C11orf71: variants seen among roughly 807,000 people sequenced by gnomAD.
C11orf71 encodes the protein uncharacterized protein C11orf71.
For missense variants in C11orf71, 179 were observed against 167.6 expected, an observed-to-expected ratio of 1.07 and a Z score of -0.38; for synonymous variants, 72 against 73.4, an observed-to-expected ratio of 0.98 and a Z score of 0.09.
chr11:114,400,466 A>C lies in C11orf71; in HGVS notation c.-135T>G. ...GAACCCATAACTGAGCCTGCGGAAGAGCCAGAAGCCGCCTTGCCTTTAACG... is the reference window on the plus strand; with the variant it reads ...GAACCCATAACTGAGCCTGCGGAAGCGCCAGAAGCCGCCTTGCCTTTAACG... On this transcript the variant is annotated 5_prime_UTR_variant, in exon 1 of 1. Coordinates refer to ENST00000623205, the MANE Select transcript of C11orf71 (RefSeq NM_001271562.2). The C allele has an allele frequency of 7.6e-7, 1 of 1,322,600 alleles. No individual in the cohort carries two copies. The highest frequency in any genetic ancestry group is 1.0e-6 in the Non-Finnish European group (1 of 982,414). The allele number at this position is 1,322,600 out of a possible 1,614,324, so 81.9% of individuals were successfully genotyped here.
At chr11:114,396,969 C>T (rs1357433404), downstream of C11orf71, among the ~76,000 whole-genome samples, 1 of 152,044 alleles carries the variant, frequency 6.6e-6, no homozygotes, top group Non-Finnish European at 1.5e-5. Context: ...TCTTTTTTTC[C>T]AATCTCCCAA....
rs1451229714 is a variant in C11orf71, at chr11:114,398,730, A to G, written c.*1230T>C. The G allele has an allele frequency of 1.3e-5, 2 of 152,160 alleles. No homozygotes were observed. The highest frequency in any genetic ancestry group is 2.4e-5 in the African/African-American group (1 of 41,436). 9.4% of individuals were successfully genotyped at this position (152,160 alleles called of 1,614,324 possible). A position where few individuals can be genotyped will look rare whatever the true frequency, so the allele number is the denominator to read the frequency against. Reference sequence around the variant, plus strand: ...GGTTTCTAGAATTCTCACTATATTAATCACCCTCTTATGGAAGCTATCTTG... The same window carrying G: ...GGTTTCTAGAATTCTCACTATATTAGTCACCCTCTTATGGAAGCTATCTTG... On this transcript the variant is annotated 3_prime_UTR_variant, in exon 1 of 1. Transcript: ENST00000623205.
At chr11:114,393,791 T>C (rs963491909), downstream of C11orf71, among the ~76,000 whole-genome samples, 1 of 152,208 alleles carries the variant, frequency 6.6e-6, no homozygotes, top group Non-Finnish European at 1.5e-5. Flanking sequence ...ACAAACTTTG[T>C]GAAAGTTTGT....
At chr11:114,393,670 CTTCAG>C (rs1386532057), downstream of C11orf71, among the ~76,000 whole-genome samples, 2 of 152,180 alleles carry the variant, frequency 1.3e-5, no homozygotes, top group Non-Finnish European at 2.9e-5. Context: ...TAATTTTGTA[CTTCAG>C]TTAAGTGAAA....
At chr11:114,395,626 G>A (rs531325601), downstream of C11orf71, among the ~76,000 whole-genome samples, 2 of 152,312 alleles carry the variant, frequency 1.3e-5, no homozygotes, top group East Asian at 1.9e-4. Flanking sequence ...AAGGAGCCAA[G>A]TAAACTGTTA....
intron 1 of C11orf71, among the ~76,000 whole-genome samples, chr11:114,392,632 G>A (rs1336773568): frequency 6.6e-6 from 1 of 151,286 alleles, no homozygotes; most frequent in African/African-American, 2.4e-5. Flanking sequence ...TGGGGAGGCT[G>A]AGGTGGCAGA....
intron 1 of C11orf71, among the ~76,000 whole-genome samples, chr11:114,393,511 T>C (rs1373097355): frequency 6.6e-6 from 1 of 152,246 alleles, no homozygotes; most frequent in African/African-American, 2.4e-5. Context: ...ATATGTTCAA[T>C]TAAAATCATA....
downstream of C11orf71, among the ~76,000 whole-genome samples, chr11:114,394,273 T>TTTTCTTTTCTTTTCTTTTC (rs1946109814): frequency 1.3e-5 from 1 of 78,488 alleles, no homozygotes; most frequent in Non-Finnish European, 2.3e-5. Flanking sequence ...TTTTCTTTTC[T>TTTTCTTTTCTTTTCTTTTC]TTTCTTTTCT....
downstream of C11orf71, among the ~76,000 whole-genome samples, chr11:114,394,269 T>TTCTTTTCTTTTCTC (rs1946109156): frequency 1.3e-5 from 1 of 75,476 alleles, no homozygotes; most frequent in African/African-American, 8.0e-5. Flanking sequence ...TTTCTTTTCT[T>TTCTTTTCTTTTCTC]TTCTTTTCTT....
downstream of C11orf71, among the ~76,000 whole-genome samples, chr11:114,397,374 A>G (rs186171535): frequency 6.6e-6 from 1 of 152,338 alleles, no homozygotes; most frequent in East Asian, 1.9e-4. Flanking sequence ...TTAATTAAAA[A>G]GGGGTTTATG....
chr11:114,391,627 G>T, exon 2 of C11orf71: 1 of 1,537,006 alleles, frequency 6.5e-7, no homozygotes, highest in South Asian at 1.2e-5. Flanking sequence ...CTTAAATCAG[G>T]GGTTGCAGAC....
chr11:114,392,844 CATG>C lies in C11orf71; in HGVS notation c.344-1182_344-1180del, dbSNP rs570125452. The stretch of plus-strand genomic sequence containing the variant: ...CAGATCTGCCCACTGGCCACTCTAG[CATG>C]ATAAGTGGTATTGCATAGTCAACAA... On this transcript the variant is annotated intron_variant, in intron 1 of 1. Transcript: ENST00000325636. 1.9e-4 allele frequency among the ~76,000 whole-genome samples: 29 copies of C among 152,002 alleles called. No individual in the cohort carries two copies. In the South Asian group the frequency reaches 5.6e-3, roughly 29 times the overall value.
At chr11:114,392,324 G>A (rs1269769500) in intron 1 of C11orf71, among the ~76,000 whole-genome samples, 2 of 151,966 alleles carry the variant, frequency 1.3e-5, no homozygotes, top group East Asian at 3.9e-4. Flanking sequence ...GATCACTGGA[G>A]GTTAGGACTT....
chr11:114,400,495 G>A lies in C11orf71; in HGVS notation c.-164C>T, dbSNP rs778123239. On this transcript the variant is annotated 5_prime_UTR_variant, in exon 1 of 1. Coordinates refer to ENST00000623205, the MANE Select transcript of C11orf71 (RefSeq NM_001271562.2). ...AGAAGCCGCCTTGCCTTTAACGAGG[G>A]GTATCCTGGCGAGCATGCGCAGACC... 26 of 1,269,496 alleles carry A rather than the reference G, an allele frequency of 2.0e-5. No homozygotes were observed. Among genetic ancestry groups the A allele is most frequent in the Non-Finnish European group, 2.8e-5 (26 of 932,442 alleles). 78.6% of individuals were successfully genotyped at this position (1,269,496 alleles called of 1,614,324 possible).
Position 114,399,740 on chromosome 11 carries a change from C to A in C11orf71, c.*220G>T. The A allele has an allele frequency of 1.5e-6, 1 of 689,552 alleles. No individual in the cohort carries two copies. Among genetic ancestry groups the A allele is most frequent in the South Asian group, 2.2e-5 (1 of 44,492 alleles). 42.7% of individuals were successfully genotyped at this position (689,552 alleles called of 1,614,324 possible). A position where few individuals can be genotyped will look rare whatever the true frequency, so the allele number is the denominator to read the frequency against. ...TTGTGACGACCTAAGAATATCCCTT[C>A]CACACCTTTCCTGATCCAATCGTTC... On this transcript the variant is annotated 3_prime_UTR_variant, in exon 1 of 1. Coordinates refer to ENST00000623205, the MANE Select transcript of C11orf71 (RefSeq NM_001271562.2).
At chr11:114,394,248 T>TTTCTTTTC (rs1565256613), downstream of C11orf71, among the ~76,000 whole-genome samples, 2 of 62,094 alleles carry the variant, frequency 3.2e-5, no homozygotes, top group Admixed American at 4.2e-4. Context: ...TTTTCTTTTC[T>TTTCTTTTC]TTTCTTTTCT....
At chr11:114,394,282 C>CTTTTCTTTTA (rs1946111024), downstream of C11orf71, among the ~76,000 whole-genome samples, 1 of 68,762 alleles carries the variant, frequency 1.5e-5, no homozygotes, top group Non-Finnish European at 2.6e-5. Context: ...CTTTTCTTTT[C>CTTTTCTTTTA]TTTTCTCTTA....
In C11orf71 at chr11:114,400,210, A is replaced by G; in HGVS notation, c.122T>C (p.Phe41Ser). 1 of 1,613,154 alleles carries G rather than the reference A, an allele frequency of 6.2e-7. No homozygotes were observed. The highest frequency in any genetic ancestry group is 8.5e-7 in the Non-Finnish European group (1 of 1,179,614). Residue 41 changes from phenylalanine to serine, a missense_variant, in exon 1 of 1, where the codon TTC (phenylalanine) becomes TCC (serine). Transcript: ENST00000623205. Reference sequence around the variant, plus strand: ...AATCGCTTCAGGCCTGGAAACGAGGAAGCCGTCTCCGGAGACCATCGCCAA... The same window carrying G: ...AATCGCTTCAGGCCTGGAAACGAGGGAGCCGTCTCCGGAGACCATCGCCAA... Reference protein sequence around the residue: ...SALAMVSGDGFLVSRPEAIHL... With the variant: ...SALAMVSGDGSLVSRPEAIHL...
chr11:114,394,282 CTTTTCTCTTATT>C (rs1565256767), downstream of C11orf71, among the ~76,000 whole-genome samples: 229 of 68,688 alleles, frequency 3.3e-3, 15 homozygotes, highest in African/African-American at 0.012. Flanking sequence ...CTTTTCTTTT[CTTTTCTCTTATT>C]TTCTTTTCTT....
Sources: allele counts gnomAD v4.1 joint callset (sites outside exome capture counted in the v4.1 genomes callset), GRCh38; gene constraint gnomAD v4.1.1; transcripts MANE v1.5; gene names NCBI Gene and HGNC (gene_info 2026-07-23, HGNC 2026-07-21).